Variants in MGAM2 observed in about 807,000 individuals in gnomAD.
MGAM2 encodes maltase-glucoamylase 2 (putative).
MGAM2 carries 98 observed loss-of-function variants against 96.1 expected under a neutral mutation model. The ratio of observed to expected loss-of-function variants is 1.02; its 90% CI spans 0.87 to 1.21. MGAM2 has a LOEUF of 1.21. Ranked by LOEUF, MGAM2 falls within the 50% of genes most tolerant of loss-of-function variation. The pLI, the probability that MGAM2 is intolerant of heterozygous loss-of-function variation, is 0.00. For synonymous variants in MGAM2, 749 were observed against 414.8 expected (o/e 1.81, Z -9.79); for missense variants, 2,055 against 1,182.4 (o/e 1.74, Z -10.82).
chr7:142,213,032 A>T lies in MGAM2; in HGVS notation c.5187+4410A>T, dbSNP rs530354923. Among the ~76,000 whole-genome samples, 10 of 152,356 alleles carry T rather than the reference A, an allele frequency of 6.6e-5. No individual in the cohort carries two copies. In the East Asian group the frequency reaches 1.9e-3, roughly 29 times the overall value. On this transcript the variant is annotated intron_variant, in intron 46 of 47. Transcript: ENST00000477922. ...ATTAGAATTCAGGATTAAGAAACTC[A>T]CTCAAAACCACACAACTACAGGGAA... is the stretch of plus-strand genomic sequence containing the variant.
chr7:142,144,832 T>C (rs1208167850), intron 13 of MGAM2, 29 bp from the exon 14 acceptor site: 1 of 692,768 alleles, frequency 1.4e-6, no homozygotes, highest in Admixed American at 2.1e-5. Context: ...AATCGCATTT[T>C]ACACTTTGTG....
intron 34 of MGAM2, 68 bp downstream of exon 34, chr7:142,185,207 A>G (rs910608760): frequency 5.8e-6 from 4 of 685,128 alleles, no homozygotes; most frequent in Non-Finnish European, 1.1e-5. Flanking sequence ...TTTTATCCTG[A>G]TGAATAAGTA....
chr7:142,213,695 C>T (rs1458878133), intron 46 of MGAM2, among the ~76,000 whole-genome samples: 1 of 152,034 alleles, frequency 6.6e-6, no homozygotes, highest in African/African-American at 2.4e-5. Context: ...GCCTACCAAC[C>T]AAAACAGCCC....
intron 3 of MGAM2, among the ~76,000 whole-genome samples, chr7:142,123,979 T>TA (rs1279316534): frequency 2.0e-5 from 2 of 99,742 alleles, no homozygotes; most frequent in Non-Finnish European, 4.7e-5. Flanking sequence ...TTTTTTTTTT[T>TA]TTTTTTTTTT....
In MGAM2 at chr7:142,149,156, G is replaced by C. The variant is rs375827319; in HGVS notation, c.1634+1583G>C. On this transcript the variant is annotated intron_variant, in intron 15 of 47. Coordinates refer to ENST00000477922, the MANE Select transcript of MGAM2 (RefSeq NM_001293626.2). ...AGGCAGGAGGATCGCTTGAACCCGG[G>C]AGACGGAGGTTGCAGTGAGCCGAGA... Among the ~76,000 whole-genome samples the C allele has an allele frequency of 7.8e-4, 119 of 151,776 alleles. 3 individuals are homozygous for C. Among genetic ancestry groups the C allele is most frequent in the African/African-American group, 2.8e-3 (116 of 41,308 alleles).
At position 142,144,042 on chromosome 7, in the gene MGAM2, T is replaced by C. The variant is rs183941916; in HGVS notation, c.1431+160T>C. On this transcript the variant is annotated intron_variant, in intron 13 of 47. Transcript: ENST00000477922. The stretch of plus-strand genomic sequence containing the variant: ...TACTTAAGGCTGAGTCTATATCCAG[T>C]GAATTAGGCTCCTAAGAGCCTTAGG... 2.5e-5 allele frequency: 12 copies of C among 481,328 alleles called. No homozygotes were observed. The Admixed American group carries it at 4.0e-4, about 16-fold the overall frequency. The allele number at this position is 481,328 out of a possible 1,614,324, so 29.8% of individuals were successfully genotyped here.
chr7:142,123,112 G>A (rs1316461404), intron 3 of MGAM2, among the ~76,000 whole-genome samples: 3 of 151,840 alleles, frequency 2.0e-5, no homozygotes, highest in African/African-American at 4.8e-5. Flanking sequence ...GTGAGCCACC[G>A]CGCCCGACCT....
intron 23 of MGAM2, among the ~76,000 whole-genome samples, chr7:142,163,594 C>A (rs893529543): frequency 1.3e-5 from 2 of 152,168 alleles, no homozygotes; most frequent in African/African-American, 2.4e-5. Flanking sequence ...GTTTTTATTT[C>A]TCTTTAATAA....
chr7:142,149,833 G>T (rs568983270), intron 15 of MGAM2, among the ~76,000 whole-genome samples: 3 of 152,088 alleles, frequency 2.0e-5, no homozygotes, highest in African/African-American at 7.2e-5. Flanking sequence ...GAGCCACCGC[G>T]CCCGGCCTTA....
intron 1 of MGAM2, among the ~76,000 whole-genome samples, chr7:142,114,408 C>T (rs1817317033): frequency 6.6e-6 from 1 of 151,816 alleles, no homozygotes; most frequent in Non-Finnish European, 1.5e-5. Context: ...GGAGCATTTC[C>T]AGTGGAATGC....
chr7:142,156,126 C>T (rs905277564), intron 17 of MGAM2, among the ~76,000 whole-genome samples: 7 of 150,260 alleles, frequency 4.7e-5, no homozygotes, highest in Admixed American at 1.3e-4. Flanking sequence ...GCCTGGGCAA[C>T]GAGAGCAAAA....
At chr7:142,143,126 A>G (rs1795282079) in intron 12 of MGAM2, among the ~76,000 whole-genome samples, 1 of 152,208 alleles carries the variant, frequency 6.6e-6, no homozygotes, top group Non-Finnish European at 1.5e-5. Context: ...CTAAATTACA[A>G]TCTATAAATT....
chr7:142,213,603 C>A (rs1331058373), intron 46 of MGAM2, among the ~76,000 whole-genome samples: 1 of 152,128 alleles, frequency 6.6e-6, no homozygotes, highest in Non-Finnish European at 1.5e-5. Context: ...GACACATACA[C>A]CCTCTGAAGG....
chr7:142,186,789 CA>C (rs942518781), intron 35 of MGAM2, among the ~76,000 whole-genome samples: 1 of 152,180 alleles, frequency 6.6e-6, no homozygotes, highest in African/African-American at 2.4e-5. Context: ...ACTCCAGAGA[CA>C]AAAGTCCACT....
At position 142,161,965 on chromosome 7, in the gene MGAM2, T is replaced by C. The variant is rs1248910421; in HGVS notation, c.2445T>C (p.Thr815=). 4 of 697,234 alleles carry C rather than the reference T, an allele frequency of 5.7e-6. No homozygotes were observed. Among genetic ancestry groups the C allele is most frequent in the Non-Finnish European group, 1.0e-5 (4 of 382,948 alleles). The allele number at this position is 697,234 out of a possible 1,614,324, so 43.2% of individuals were successfully genotyped here. ...CTCTTTCTTTTTTAGATGCTGTGAC[T>C]GAAAAGAAGTATATTCTATATGATT... ...WDDGVSKDAV[T]EKKYILYDFS... is the part of the protein sequence containing the mutation. Residue 815 remains threonine (T), a synonymous_variant, in exon 23 of 48, where the codon ACT becomes ACC. Transcript: ENST00000477922.
chr7:142,146,160 T>TC (rs1491100778), intron 14 of MGAM2, among the ~76,000 whole-genome samples: 9 of 101,012 alleles, frequency 8.9e-5, no homozygotes, highest in African/African-American at 3.0e-4. Flanking sequence ...TTTTTTTTTT[T>TC]CTTAATTTCT....
intron 46 of MGAM2, among the ~76,000 whole-genome samples, chr7:142,212,064 A>T (rs1427513420): frequency 6.6e-6 from 1 of 152,240 alleles, no homozygotes; most frequent in Non-Finnish European, 1.5e-5. Context: ...AGAATTTTCA[A>T]CCCAGAATTT....
rs1046842597 is a variant in MGAM2 at position 142,221,024 on chromosome 7, T to A, written c.6513T>A (p.Asp2171Glu). The A allele has an allele frequency of 2.8e-6, 2 of 702,392 alleles. No homozygotes were observed. The highest frequency in any genetic ancestry group is 3.5e-5 in the African/African-American group (2 of 57,206). The allele number at this position is 702,392 out of a possible 1,614,324, so 43.5% of individuals were successfully genotyped here. A position where few individuals can be genotyped will look rare whatever the true frequency, so the allele number is the denominator to read the frequency against. ...ITATSHTSTD[D>E]TVPNNTVPVT... ...CTACCTCTCATACAAGTACTGATGA[T>A]ACTGTTCCTAATAATACTGTTCCAG... Residue 2171 changes from aspartate (D) to glutamate (E), a missense_variant, in exon 48 of 48, where the codon GAT becomes GAA. Physicochemically the swap from Asp to Glu is conservative, Grantham distance 45. Transcript: ENST00000477922.
At chr7:142,156,816 G>A (rs369775463) in intron 17 of MGAM2, among the ~76,000 whole-genome samples, 2 of 152,294 alleles carry the variant, frequency 1.3e-5, no homozygotes, top group East Asian at 1.9e-4. Context: ...TCTCAGTAAC[G>A]CAGTATAGGA....
Sources: allele counts gnomAD v4.1 joint callset (sites outside exome capture counted in the v4.1 genomes callset), GRCh38; gene constraint gnomAD v4.1.1; transcripts MANE v1.5; gene names NCBI Gene and HGNC (gene_info 2026-07-23, HGNC 2026-07-21).